GPRASP3: variants seen among roughly 807,000 people sequenced by gnomAD.
GPRASP3 encodes the protein G protein-coupled receptor associated sorting protein 3.
At chrX:102,751,353 A>T in the GPRASP3 span, 1 of 123,602 alleles carries the variant, frequency 8.1e-6, no homozygotes, top group Non-Finnish European at 1.9e-5. Flanking sequence ...ACCATATTTT[A>T]CAAGTTTTTT....
At chrX:102,749,735 T>C in the GPRASP3 span, 2 of 1,211,782 alleles carry the variant, frequency 1.7e-6, no homozygotes, top group South Asian at 3.5e-5. Flanking sequence ...CCTTCATATA[T>C]TGTTCTGGCC....
chrX:102,749,772 G>A, the GPRASP3 span: 1 of 1,211,566 alleles, frequency 8.3e-7, no homozygotes, highest in Non-Finnish European at 1.1e-6. Context: ...CCTGTTCTTT[G>A]CCTGTGGCAA....
At chrX:102,728,936 G>A in the GPRASP3 span, among the ~76,000 whole-genome samples, 1 of 111,929 alleles carries the variant, frequency 8.9e-6, no homozygotes, top group Admixed American at 9.5e-5. Flanking sequence ...AATTCTGAAG[G>A]CAAATCCAGA....
At chrX:102,722,393 G>T in the GPRASP3 span, among the ~76,000 whole-genome samples, 3 of 112,427 alleles carry the variant, frequency 2.7e-5, no homozygotes, top group African/African-American at 9.7e-5. Flanking sequence ...ATGTGGATTT[G>T]GGGTACACCA....
At chrX:102,750,655 G>T in the GPRASP3 span, 3 of 1,140,960 alleles carry the variant, frequency 2.6e-6, no homozygotes, top group Non-Finnish European at 1.2e-6. Context: ...GCCAGAGATA[G>T]AACATTTTAA....
chrX:102,733,660 AAAG>A, the GPRASP3 span, among the ~76,000 whole-genome samples: 1,063 of 110,107 alleles, frequency 9.7e-3, 6 homozygotes, highest in South Asian at 0.044. Flanking sequence ...TAAAAAAAAA[AAAG>A]ATGACTTCAG....
chrX:102,752,537 C>T, the GPRASP3 span: 1 of 123,486 alleles, frequency 8.1e-6, no homozygotes, highest in Non-Finnish European at 1.9e-5. Context: ...TATACACATT[C>T]TTTTGCAAAA....
the GPRASP3 span, chrX:102,750,094 G>A: frequency 5.8e-6 from 7 of 1,210,730 alleles, no homozygotes; most frequent in Non-Finnish European, 7.8e-6. Flanking sequence ...AGTAGGTGTA[G>A]TGACACTTAT....
chrX:102,725,996 C>T, the GPRASP3 span, among the ~76,000 whole-genome samples: 1 of 112,427 alleles, frequency 8.9e-6, no homozygotes, highest in African/African-American at 3.2e-5. Flanking sequence ...GTCTGTCTGA[C>T]TGCAAAGCCT....
chrX:102,751,332 A>G, the GPRASP3 span: 1 of 123,888 alleles, frequency 8.1e-6, no homozygotes, highest in African/African-American at 3.2e-5. Context: ...TATGTCAAAC[A>G]CTGTGTTGGC....
At chrX:102,733,996 G>A in the GPRASP3 span, among the ~76,000 whole-genome samples, 6 of 110,112 alleles carry the variant, frequency 5.4e-5, no homozygotes, top group Non-Finnish European at 9.5e-5. Flanking sequence ...GGGTTACAAG[G>A]TGCTCAGTGG....
At chrX:102,724,365 TA>T in the GPRASP3 span, among the ~76,000 whole-genome samples, 1 of 111,936 alleles carries the variant, frequency 8.9e-6, no homozygotes, top group African/African-American at 3.3e-5. Flanking sequence ...ATCAACAAGT[TA>T]AAATGAAGGA....
chrX:102,733,165 T>A, the GPRASP3 span, among the ~76,000 whole-genome samples: 1 of 112,375 alleles, frequency 8.9e-6, no homozygotes, highest in Non-Finnish European at 1.9e-5. Flanking sequence ...TTAAGAATAC[T>A]CACAAATTGG....
the GPRASP3 span, among the ~76,000 whole-genome samples, chrX:102,735,358 A>G: frequency 9.0e-6 from 1 of 110,725 alleles, no homozygotes; most frequent in African/African-American, 3.3e-5. Context: ...GAAAAACTGT[A>G]TAATACCCCT....
chrX:102,737,751 C>T, the GPRASP3 span, among the ~76,000 whole-genome samples: 1 of 111,936 alleles, frequency 8.9e-6, no homozygotes, highest in Admixed American at 9.5e-5. Flanking sequence ...AAGGTTTGTA[C>T]TGCATGTTGC....
chrX:102,743,350 A>G, the GPRASP3 span, among the ~76,000 whole-genome samples: 1 of 111,591 alleles, frequency 9.0e-6, no homozygotes, highest in African/African-American at 3.3e-5. Context: ...CACTTTCCAT[A>G]AACCATATGT....
At chrX:102,748,621 A>G in the GPRASP3 span, 8 of 145,204 alleles carry the variant, frequency 5.5e-5, no homozygotes, top group South Asian at 4.6e-4. Flanking sequence ...CTACTCTCCT[A>G]TGTCCTTCTG....
At chrX:102,729,630 G>A in the GPRASP3 span, among the ~76,000 whole-genome samples, 1 of 112,240 alleles carries the variant, frequency 8.9e-6, no homozygotes, top group Non-Finnish European at 1.9e-5. Flanking sequence ...AACACTTTGG[G>A]AGGCTGAGGT....
At chrX:102,744,438 C>G in the GPRASP3 span, among the ~76,000 whole-genome samples, 2 of 111,769 alleles carry the variant, frequency 1.8e-5, no homozygotes, top group Non-Finnish European at 3.8e-5. Context: ...AATAAGAACA[C>G]ACAAATGTTA....
Sources: allele counts gnomAD v4.1 joint callset (sites outside exome capture counted in the v4.1 genomes callset), GRCh38; gene constraint gnomAD v4.1.1; transcripts MANE v1.5; gene names NCBI Gene and HGNC (gene_info 2026-07-23, HGNC 2026-07-21).